ROBO1: variants seen among roughly 807,000 people sequenced by gnomAD.
ROBO1 encodes roundabout guidance receptor 1.
In ROBO1, 149 loss-of-function variants were observed where a neutral mutation model predicts 195.9. The observed-to-expected ratio is 0.76, with a 90% confidence interval of 0.67 to 0.87. The LOEUF is 0.87. ROBO1 is among the 40% of genes least tolerant of loss of function. The pLI is 0.00. For synonymous variants in ROBO1, 816 were observed against 733.2 expected (o/e 1.11, Z -1.82); for missense variants, 1,933 against 2,068.3 (o/e 0.93, Z 1.27).
In ROBO1 at chr3:79,425,866, C is replaced by G. The variant is rs1289286235; in HGVS notation, c.88+163958G>C. On this transcript the variant is annotated intron_variant, in intron 2 of 30. Transcript: ENST00000464233. ...CACAAACCTGGATTTCACACGCTCTCACTTGTTATTGGTTGCATTGTTTTG... is the reference window on the plus strand; with the variant it reads ...CACAAACCTGGATTTCACACGCTCTGACTTGTTATTGGTTGCATTGTTTTG... Among the ~76,000 whole-genome samples the G allele has an allele frequency of 2.6e-5, 4 of 152,194 alleles. No individual in the cohort carries two copies. In the East Asian group the frequency reaches 7.7e-4, roughly 29 times the overall value.
intron 1 of ROBO1, among the ~76,000 whole-genome samples, chr3:79,617,149 C>A (rs1056276230): frequency 6.6e-6 from 1 of 152,156 alleles, no homozygotes; most frequent in Non-Finnish European, 1.5e-5. Context: ...CTACACCACC[C>A]TATGGAGACC....
At chr3:78,984,496 C>A (rs1302622297) in intron 3 of ROBO1, among the ~76,000 whole-genome samples, 1 of 152,078 alleles carries the variant, frequency 6.6e-6, no homozygotes, top group Non-Finnish European at 1.5e-5. Flanking sequence ...AATACTTACA[C>A]TGGGAAAATA....
At chr3:79,675,341 T>G (rs1263798845) in intron 1 of ROBO1, among the ~76,000 whole-genome samples, 1 of 152,022 alleles carries the variant, frequency 6.6e-6, no homozygotes, top group Non-Finnish European at 1.5e-5. Flanking sequence ...TAAGATTTGT[T>G]GAATCCAACT....
chr3:79,355,698 A>C lies in ROBO1; in HGVS notation c.89-230159T>G, dbSNP rs2035524120. On this transcript the variant is annotated intron_variant, in intron 2 of 30. Transcript: ENST00000464233. ...TGCCTAGCTTATTCCACCGAAAATA[A>C]TGCCCTCCAGGTTCATCCATGTCGC... Among the ~76,000 whole-genome samples, 3 of 152,288 alleles carry C rather than the reference A, an allele frequency of 2.0e-5. No homozygotes were observed. In the South Asian group the frequency reaches 6.2e-4, roughly 32 times the overall value.
chr3:78,892,385 G>A (rs995319083), intron 4 of ROBO1, among the ~76,000 whole-genome samples: 4 of 152,098 alleles, frequency 2.6e-5, no homozygotes, highest in South Asian at 2.1e-4. Context: ...GTTAGAGCAC[G>A]GACTCTGGAA....
intron 2 of ROBO1, among the ~76,000 whole-genome samples, chr3:79,423,545 C>T (rs1049735972): frequency 1.1e-4 from 17 of 152,018 alleles, no homozygotes; most frequent in African/African-American, 3.6e-4. Flanking sequence ...ATTGGCAGGT[C>T]AGTCCTCTGA....
chr3:78,668,540 C>T lies in ROBO1; in HGVS notation c.1574G>A (p.Cys525Tyr). The change falls in exon 12 of 31, where the codon TGC becomes TAC. Residue 525 changes from cysteine to tyrosine, a missense_variant. Coordinates refer to ENST00000464233, the MANE Select transcript of ROBO1 (RefSeq NM_002941.4). Reference sequence around the variant, plus strand: ...TTCACCACTGGGGGTTGATGCAATGCAGGTGTACCGACCAGTATCACCCAG... The same window carrying T: ...TTCACCACTGGGGGTTGATGCAATGTAGGTGTACCGACCAGTATCACCCAG... ...AKLGDTGRYT[C>Y]IASTPSGEAT... 6.2e-7 allele frequency: 1 copy of T among 1,613,752 alleles called. No individual in the cohort carries two copies. The highest frequency in any genetic ancestry group is 8.5e-7 in the Non-Finnish European group (1 of 1,179,774).
chr3:79,732,661 C>T (rs1035747080), intron 1 of ROBO1, among the ~76,000 whole-genome samples: 3 of 152,124 alleles, frequency 2.0e-5, no homozygotes, highest in Non-Finnish European at 2.9e-5. Flanking sequence ...ATTCACCGGG[C>T]ACTTTTGGCA....
At chr3:79,210,029 A>G (rs1415987495) in intron 2 of ROBO1, among the ~76,000 whole-genome samples, 1 of 152,198 alleles carries the variant, frequency 6.6e-6, no homozygotes, top group African/African-American at 2.4e-5. Context: ...TACAAGGAAA[A>G]CTACAAAACT....
intron 1 of ROBO1, among the ~76,000 whole-genome samples, chr3:79,741,530 T>C (rs949292444): frequency 6.6e-6 from 1 of 152,212 alleles, no homozygotes; most frequent in Non-Finnish European, 1.5e-5. Context: ...AGCAGCTATT[T>C]CTGATGTCCC....
At chr3:79,078,984 A>ATC (rs2079222772) in intron 3 of ROBO1, among the ~76,000 whole-genome samples, 1 of 151,786 alleles carries the variant, frequency 6.6e-6, no homozygotes, top group Non-Finnish European at 1.5e-5. Context: ...TAAGATAGAA[A>ATC]TCATCTTAGA....
At chr3:78,826,532 G>A (rs560164083) in intron 4 of ROBO1, among the ~76,000 whole-genome samples, 8 of 152,290 alleles carry the variant, frequency 5.3e-5, no homozygotes, top group African/African-American at 1.7e-4. Context: ...CAAGGCGAGA[G>A]ATGGTTGCAT....
chr3:79,696,623 A>G (rs1440687861), intron 1 of ROBO1, among the ~76,000 whole-genome samples: 1 of 151,236 alleles, frequency 6.6e-6, no homozygotes, highest in African/African-American at 2.4e-5. Flanking sequence ...TAATATCATG[A>G]TATCTGAAAT....
intron 4 of ROBO1, among the ~76,000 whole-genome samples, chr3:78,897,318 C>A (rs2037297459): frequency 6.6e-6 from 1 of 152,190 alleles, no homozygotes. Flanking sequence ...TCCACCCACA[C>A]CCCACAGATG....
At chr3:78,714,335 A>T in intron 8 of ROBO1, 62 bp downstream of exon 8, 1 of 1,530,120 alleles carries the variant, frequency 6.5e-7, no homozygotes. Context: ...TATTTTCTTC[A>T]ATTATCAGCA....
intron 2 of ROBO1, among the ~76,000 whole-genome samples, chr3:79,273,907 A>C: frequency 6.6e-6 from 1 of 152,040 alleles, no homozygotes; most frequent in East Asian, 1.9e-4. Context: ...AAAAAACTGT[A>C]AGAGACAAAG....
rs188174110 is a variant in ROBO1 at position 78,969,638 on chromosome 3, C to G, written c.173-30711G>C. Among the ~76,000 whole-genome samples, 171 of 152,268 alleles carry G rather than the reference C, an allele frequency of 1.1e-3. 4 individuals carry two copies. Among genetic ancestry groups the G allele is most frequent in the Admixed American group, 3.1e-3 (48 of 15,302 alleles). On this transcript the variant is annotated intron_variant, in intron 3 of 30. Coordinates refer to ENST00000464233, the MANE Select transcript of ROBO1 (RefSeq NM_002941.4). ...ATCTGAGTACGCCTACTCAATGCTG[C>G]ATGTGTTGCACTGAAACAGCAGCCT...
chr3:78,719,230 C>T (rs531093041), intron 5 of ROBO1, among the ~76,000 whole-genome samples: 11 of 152,188 alleles, frequency 7.2e-5, no homozygotes, highest in East Asian at 1.9e-4. Flanking sequence ...GACGCCTGCA[C>T]GCAGTAGTCA....
intron 2 of ROBO1, among the ~76,000 whole-genome samples, chr3:79,475,609 A>G (rs560794889): frequency 6.6e-6 from 1 of 152,210 alleles, no homozygotes; most frequent in East Asian, 1.9e-4. Flanking sequence ...TTTTATTACT[A>G]TATTACTTAA....
Sources: gnomAD v4.1 joint callset for allele counts (sites outside exome capture counted in the v4.1 genomes callset) on GRCh38, gnomAD v4.1.1 for gene constraint, MANE v1.5 for transcripts, NCBI Gene and HGNC (gene_info 2026-07-23, HGNC 2026-07-21) for gene names.